The following NHSL1 variants were observed in gnomAD, a reference collection of about 807,000 sequenced individuals.
NHSL1 encodes the protein NHS-like protein 1.
A neutral mutation model predicts 95.0 loss-of-function variants in NHSL1; 48 were observed. That is an observed-to-expected ratio of 0.51 (90% CI 0.40 to 0.64). The LOEUF is 0.64. NHSL1 is among the 30% of genes least tolerant of loss of function. The pLI is 0.00. For synonymous variants in NHSL1, 783 were observed against 833.9 expected, an observed-to-expected ratio of 0.94 and a Z score of 1.05; for missense variants, 1,971 against 2,077.7, an observed-to-expected ratio of 0.95 and a Z score of 1.00.
At chr6:138,642,059 C>CCATA (rs1332949704) in intron 1 of NHSL1, among the ~76,000 whole-genome samples, 1 of 150,308 alleles carries the variant, frequency 6.7e-6, no homozygotes, top group Non-Finnish European at 1.5e-5. Context: ...CTCTTATAAC[C>CCATA]CATATTATGT....
chr6:138,544,906 T>C (rs1782722079), intron 1 of NHSL1, among the ~76,000 whole-genome samples: 1 of 151,506 alleles, frequency 6.6e-6, no homozygotes, highest in African/African-American at 2.4e-5. Flanking sequence ...CATATACTCA[T>C]ATAATCACCA....
intron 1 of NHSL1, among the ~76,000 whole-genome samples, chr6:138,526,006 T>C (rs373394183): frequency 1.3e-5 from 2 of 150,552 alleles, no homozygotes; most frequent in East Asian, 3.9e-4. Context: ...GGCATGAGAA[T>C]CGCTTGAACC....
At chr6:138,561,219 C>A (rs1460511103) in intron 1 of NHSL1, among the ~76,000 whole-genome samples, 1 of 152,174 alleles carries the variant, frequency 6.6e-6, no homozygotes, top group Non-Finnish European at 1.5e-5. Flanking sequence ...ATTAGCGATG[C>A]AAGCAGCATA....
At chr6:138,495,959 G>A (rs189890262) in intron 2 of NHSL1, among the ~76,000 whole-genome samples, 130 of 152,172 alleles carry the variant, frequency 8.5e-4, no homozygotes, top group Admixed American at 3.4e-3. Context: ...GGGGAAATTG[G>A]CCCCATGATT....
chr6:138,591,726 C>T (rs895878739), intron 1 of NHSL1, among the ~76,000 whole-genome samples: 2 of 152,164 alleles, frequency 1.3e-5, no homozygotes, highest in African/African-American at 4.8e-5. Context: ...GCCACCCTGC[C>T]CAGCTAATTC....
intron 5 of NHSL1, among the ~76,000 whole-genome samples, chr6:138,439,743 T>C (rs1776409862): frequency 6.6e-6 from 1 of 152,190 alleles, no homozygotes; most frequent in Non-Finnish European, 1.5e-5. Flanking sequence ...ACCGTAATGA[T>C]ATTGACTGTC....
intron 1 of NHSL1, among the ~76,000 whole-genome samples, chr6:138,661,751 A>G (rs1785230067): frequency 6.6e-6 from 1 of 152,186 alleles, no homozygotes; most frequent in Admixed American, 6.5e-5. Flanking sequence ...AAGTAAATCT[A>G]AGCAGGAAAA....
chr6:138,457,999 C>T (rs1286704855), intron 3 of NHSL1, among the ~76,000 whole-genome samples: 4 of 138,770 alleles, frequency 2.9e-5, no homozygotes, highest in African/African-American at 1.1e-4. Context: ...CAGAGTGAAA[C>T]TCCAACTGAA....
chr6:138,479,770 C>T (rs1056348178), intron 2 of NHSL1, among the ~76,000 whole-genome samples: 1 of 152,128 alleles, frequency 6.6e-6, no homozygotes, highest in African/African-American at 2.4e-5. Context: ...GATAAAAGTA[C>T]GTGGACATTT....
chr6:138,682,162 T>C (rs1785521191), intron 1 of NHSL1, among the ~76,000 whole-genome samples: 1 of 152,058 alleles, frequency 6.6e-6, no homozygotes, highest in Admixed American at 6.5e-5. Context: ...TTAGTAGATA[T>C]GGGGTTTCAC....
intron 1 of NHSL1, among the ~76,000 whole-genome samples, chr6:138,641,617 C>T (rs908119738): frequency 3.9e-5 from 5 of 129,814 alleles, no homozygotes; most frequent in African/African-American, 1.3e-4. Flanking sequence ...AGTGAGACTC[C>T]GTCTCAAAAA....
intron 4 of NHSL1, among the ~76,000 whole-genome samples, chr6:138,446,443 A>C (rs758645918): frequency 6.6e-6 from 1 of 152,208 alleles, no homozygotes; most frequent in Non-Finnish European, 1.5e-5. Context: ...GCTGAGTATA[A>C]TATTCCATAA....
intron 1 of NHSL1, among the ~76,000 whole-genome samples, chr6:138,631,184 G>A (rs1016531930): frequency 6.6e-6 from 1 of 152,156 alleles, no homozygotes; most frequent in African/African-American, 2.4e-5. Context: ...TCTAGACAGA[G>A]GGGAATCACC....
chr6:138,474,322 CT>C (rs1199556482), intron 2 of NHSL1, among the ~76,000 whole-genome samples: 1 of 152,156 alleles, frequency 6.6e-6, no homozygotes, highest in African/African-American at 2.4e-5. Flanking sequence ...CTTTGCATAG[CT>C]TTATAAAAAC....
chr6:138,464,699 CT>C (rs146434894), intron 3 of NHSL1, among the ~76,000 whole-genome samples: 10,790 of 136,990 alleles, frequency 0.079, 1,235 homozygotes, highest in African/African-American at 0.26. Flanking sequence ...TTTCTCTTCA[CT>C]TTTTTTTTTC....
At chr6:138,550,502 C>T (rs914845393), upstream of NHSL1, among the ~76,000 whole-genome samples, 1 of 152,182 alleles carries the variant, frequency 6.6e-6, no homozygotes, top group Admixed American at 6.5e-5. Context: ...CTGGCCTTTG[C>T]CAACCATGAC....
chr6:138,622,503 A>C (rs1421419936), intron 1 of NHSL1, among the ~76,000 whole-genome samples: 1 of 152,176 alleles, frequency 6.6e-6, no homozygotes, highest in Non-Finnish European at 1.5e-5. Flanking sequence ...AAAGAAAAAA[A>C]CAATAACCTT....
chr6:138,523,213 G>T (rs1781755077), intron 1 of NHSL1, among the ~76,000 whole-genome samples: 1 of 151,836 alleles, frequency 6.6e-6, no homozygotes. Context: ...GTATTTATGA[G>T]AAAAAAAATT....
intron 1 of NHSL1, among the ~76,000 whole-genome samples, chr6:138,496,720 A>T (rs1299348592): frequency 2.0e-5 from 3 of 152,192 alleles, no homozygotes; most frequent in Non-Finnish European, 2.9e-5. Context: ...CCTCGCACAC[A>T]CACAACAAAT....
Sources: gnomAD v4.1 joint callset for allele counts (sites outside exome capture counted in the v4.1 genomes callset) on GRCh38, gnomAD v4.1.1 for gene constraint, MANE v1.5 for transcripts, NCBI Gene and HGNC (gene_info 2026-07-23, HGNC 2026-07-21) for gene names.